Variants in ATP9B observed in about 807,000 individuals in gnomAD.
ATP9B encodes the protein probable phospholipid-transporting ATPase IIB.
Under a neutral mutation model 146.1 loss-of-function variants are expected in ATP9B, and 110 were observed. The ratio of observed to expected loss-of-function variants is 0.75; its 90% CI spans 0.65 to 0.88. The LOEUF is 0.88. Among genes scored for constraint, ATP9B ranks in the 40% least tolerant of loss-of-function variants. The pLI is 0.00. For synonymous variants in ATP9B, 604 were observed against 569.7 expected, an observed-to-expected ratio of 1.06 and a Z score of -0.86; for missense variants, 1,499 against 1,496.4, an observed-to-expected ratio of 1.00 and a Z score of -0.03.
intron 26 of ATP9B, chr18:79,363,560 A>T (rs2097004735): frequency 2.0e-5 from 3 of 152,196 alleles, no homozygotes. Flanking sequence ...AGAGGCGTAA[A>T]CCCATATTCC....
At chr18:79,193,882 A>G (rs1402679891) in intron 9 of ATP9B, among the ~76,000 whole-genome samples, 3 of 152,216 alleles carry the variant, frequency 2.0e-5, no homozygotes, top group African/African-American at 7.2e-5. Context: ...TTGTTGGTGA[A>G]TTCACCTTTA....
chr18:79,278,111 T>C (rs918653726), intron 13 of ATP9B, among the ~76,000 whole-genome samples: 2 of 152,018 alleles, frequency 1.3e-5, no homozygotes, highest in African/African-American at 4.8e-5. Flanking sequence ...AGATTATGGA[T>C]TAAAATAACA....
At chr18:79,237,804 C>T (rs1409782419) in intron 11 of ATP9B, among the ~76,000 whole-genome samples, 1 of 151,972 alleles carries the variant, frequency 6.6e-6, no homozygotes, top group African/African-American at 2.4e-5. Flanking sequence ...CTCACACCTC[C>T]GCTTCCTGAG....
intron 2 of ATP9B, among the ~76,000 whole-genome samples, chr18:79,103,207 C>T (rs1269531864): frequency 6.6e-6 from 1 of 151,580 alleles, no homozygotes; most frequent in Non-Finnish European, 1.5e-5. Context: ...CAGCATTAAG[C>T]AGATATGGAC....
At chr18:79,209,047 A>G (rs1340496295) in intron 10 of ATP9B, among the ~76,000 whole-genome samples, 1 of 152,164 alleles carries the variant, frequency 6.6e-6, no homozygotes, top group Non-Finnish European at 1.5e-5. Context: ...CCTCTCCGCC[A>G]GGTGGTGAGT....
intron 2 of ATP9B, among the ~76,000 whole-genome samples, chr18:79,101,050 G>A (rs1331481340): frequency 2.0e-5 from 3 of 151,876 alleles, no homozygotes; most frequent in Non-Finnish European, 4.4e-5. Flanking sequence ...GTTTACCCCA[G>A]TTGTTACATC....
chr18:79,156,178 T>TA (rs1420295838), intron 7 of ATP9B, among the ~76,000 whole-genome samples: 1 of 152,222 alleles, frequency 6.6e-6, no homozygotes, highest in Non-Finnish European at 1.5e-5. Flanking sequence ...GTATACTTGA[T>TA]ACGTTTATTA....
In ATP9B at chr18:79,225,797, C is replaced by T. The variant is rs554161787; in HGVS notation, c.1107+11759C>T. On this transcript the variant is annotated intron_variant, in intron 11 of 29. Coordinates refer to ENST00000426216, the MANE Select transcript of ATP9B (RefSeq NM_198531.5). Reference sequence around the variant, plus strand: ...CAGCGTCTGAGTGACTCTTGGGTCCCGCAGTCGCAGGGCGGCCACTGTCTT... The same window carrying T: ...CAGCGTCTGAGTGACTCTTGGGTCCTGCAGTCGCAGGGCGGCCACTGTCTT... Among the ~76,000 whole-genome samples the T allele has an allele frequency of 2.3e-5, 3 of 128,006 alleles. No homozygotes were observed. In the East Asian group the frequency reaches 6.8e-4, roughly 29 times the overall value. 84.0% of individuals were successfully genotyped at this position (128,006 alleles called of 152,430 possible). A position where few individuals can be genotyped will look rare whatever the true frequency, so the allele number is the denominator to read the frequency against.
At chr18:79,217,904 G>A (rs1011368692) in intron 11 of ATP9B, among the ~76,000 whole-genome samples, 4 of 152,194 alleles carry the variant, frequency 2.6e-5, no homozygotes, top group African/African-American at 9.6e-5. Flanking sequence ...TCTTCAGGTA[G>A]CAAAAATGTT....
chr18:79,321,413 C>G (rs2096715241), intron 15 of ATP9B, among the ~76,000 whole-genome samples: 1 of 149,426 alleles, frequency 6.7e-6, no homozygotes, highest in Admixed American at 6.7e-5. Context: ...GGCAGAGTCT[C>G]GCTCTATTGC....
At chr18:79,355,502 CAG>C (rs1398200775) in intron 25 of ATP9B, among the ~76,000 whole-genome samples, 1 of 152,008 alleles carries the variant, frequency 6.6e-6, no homozygotes, top group Admixed American at 6.6e-5. Context: ...ATAGAAGGGA[CAG>C]AGGGAGGACG....
At position 79,081,857 on chromosome 18, in the gene ATP9B, A is replaced by G. The variant is rs186078604; in HGVS notation, c.119+12328A>G. On this transcript the variant is annotated intron_variant, in intron 1 of 29. Transcript: ENST00000426216. ...CCTAAACATTTTTTCCTTCATTTCA[A>G]CCTTAGTGAATCTGACGATTATGTG... 7.9e-5 allele frequency among the ~76,000 whole-genome samples: 12 copies of G among 151,082 alleles called. No individual in the cohort carries two copies. The East Asian group carries it at 2.2e-3, about 27-fold the overall frequency.
chr18:79,319,764 T>G (rs1005275997), intron 15 of ATP9B, among the ~76,000 whole-genome samples: 2 of 152,242 alleles, frequency 1.3e-5, no homozygotes, highest in Non-Finnish European at 2.9e-5. Flanking sequence ...AGGTGATGCA[T>G]GTATGTGATT....
chr18:79,250,080 G>T (rs1435764921), intron 11 of ATP9B, among the ~76,000 whole-genome samples: 1 of 152,228 alleles, frequency 6.6e-6, no homozygotes, highest in Non-Finnish European at 1.5e-5. Context: ...TCAAGCATCT[G>T]ACCACATCTG....
chr18:79,162,601 TTA>T (rs2147763573), intron 7 of ATP9B, among the ~76,000 whole-genome samples: 1 of 152,306 alleles, frequency 6.6e-6, no homozygotes, highest in African/African-American at 2.4e-5. Context: ...GGGGTGGTGG[TTA>T]AATGACACTG....
At chr18:79,165,801 A>T (rs931579156) in intron 7 of ATP9B, among the ~76,000 whole-genome samples, 2 of 151,938 alleles carry the variant, frequency 1.3e-5, no homozygotes, top group Admixed American at 1.3e-4. Flanking sequence ...CATGGTTCTT[A>T]TTTTCCCCAG....
intron 1 of ATP9B, among the ~76,000 whole-genome samples, chr18:79,073,286 A>G (rs2072173834): frequency 6.6e-6 from 1 of 152,088 alleles, no homozygotes; most frequent in African/African-American, 2.4e-5. Flanking sequence ...GCGGCTGGGA[A>G]GTGGAGGTTG....
intron 11 of ATP9B, among the ~76,000 whole-genome samples, chr18:79,243,105 AATTCTGCT>A (rs2095905144): frequency 6.6e-6 from 1 of 152,190 alleles, no homozygotes. Context: ...CTATGTCTGC[AATTCTGCT>A]ATTCTGCCTT....
chr18:79,355,778 TAAGC>T (rs771218257), intron 25 of ATP9B, among the ~76,000 whole-genome samples: 12 of 152,254 alleles, frequency 7.9e-5, no homozygotes, highest in East Asian at 3.9e-4. Flanking sequence ...TTCAAGAAGG[TAAGC>T]AAACCCTGAA....
Sources: gnomAD v4.1 joint callset for allele counts (sites outside exome capture counted in the v4.1 genomes callset) on GRCh38, gnomAD v4.1.1 for gene constraint, MANE v1.5 for transcripts, NCBI Gene and HGNC (gene_info 2026-07-23, HGNC 2026-07-21) for gene names.